Variants in CDH12 observed in about 807,000 individuals in gnomAD.
CDH12 encodes the protein cadherin-12.
In CDH12, 41 loss-of-function variants were observed where a neutral mutation model predicts 74.1. That is an observed-to-expected ratio of 0.55 (90% CI 0.43 to 0.72). The LOEUF (loss-of-function observed/expected upper bound fraction) is 0.72, where lower values mean the gene tolerates loss of function less well. Ranked by LOEUF, CDH12 falls within the 30% of genes least tolerant of loss-of-function variation. The probability of loss-of-function intolerance (pLI) is 0.00; values close to 1 mark genes in which losing one functional copy is unlikely to be tolerated. For missense variants in CDH12, 945 were observed against 977.2 expected (o/e 0.97, Z 0.44); for synonymous variants, 399 against 355.0 (o/e 1.12, Z -1.39).
intron 3 of CDH12, among the ~76,000 whole-genome samples, chr5:22,323,017 G>A (rs1332554750): frequency 6.6e-6 from 1 of 152,130 alleles, no homozygotes; most frequent in African/African-American, 2.4e-5. Flanking sequence ...ATTGTGAAAT[G>A]ACTTGTCAGG....
At chr5:21,889,110 T>C (rs1420809123) in intron 6 of CDH12, among the ~76,000 whole-genome samples, 2 of 152,156 alleles carry the variant, frequency 1.3e-5, no homozygotes, top group African/African-American at 4.8e-5. Flanking sequence ...CCAGAAAACG[T>C]AAGATCAACA....
chr5:22,749,672 A>AT lies in CDH12; in HGVS notation c.-523+103385dup, dbSNP rs537065002. On this transcript the variant is annotated intron_variant, in intron 1 of 14. Coordinates refer to ENST00000382254, the MANE Select transcript of CDH12 (RefSeq NM_004061.5). ...TCAAATATCTACTACGTATGTCACTATTTTTTCTATGAACACAGAGTGATT... is the reference window on the plus strand; with the variant it reads ...TCAAATATCTACTACGTATGTCACTATTTTTTTCTATGAACACAGAGTGATT... 2.4e-4 allele frequency among the ~76,000 whole-genome samples: 36 copies of AT among 152,238 alleles called. No individual in the cohort carries two copies. In the South Asian group the frequency reaches 5.0e-3, roughly 21 times the overall value.
chr5:21,860,754 C>A (rs1451522790), intron 6 of CDH12, among the ~76,000 whole-genome samples: 1 of 151,816 alleles, frequency 6.6e-6, no homozygotes, highest in Non-Finnish European at 1.5e-5. Flanking sequence ...CTTGGACATA[C>A]ACCTGTGGTT....
chr5:22,513,951 GAAA>G (rs34448733), intron 1 of CDH12, among the ~76,000 whole-genome samples: 1 of 100,508 alleles, frequency 9.9e-6, no homozygotes. Flanking sequence ...TCCGTGTCAG[GAAA>G]AAAAAAAAAA....
At chr5:22,759,861 C>G (rs1351626307) in intron 1 of CDH12, among the ~76,000 whole-genome samples, 4 of 152,148 alleles carry the variant, frequency 2.6e-5, no homozygotes, top group Non-Finnish European at 5.9e-5. Flanking sequence ...GCTGGGAACT[C>G]AGAGAAGAAC....
intron 3 of CDH12, among the ~76,000 whole-genome samples, chr5:22,393,041 T>C (rs1377653783): frequency 6.6e-6 from 1 of 152,122 alleles, no homozygotes; most frequent in Non-Finnish European, 1.5e-5. Context: ...GTCTCTAATA[T>C]GTCCTAATTA....
At chr5:22,044,186 A>G (rs970476852) in intron 5 of CDH12, among the ~76,000 whole-genome samples, 3 of 152,202 alleles carry the variant, frequency 2.0e-5, no homozygotes, top group Non-Finnish European at 2.9e-5. Flanking sequence ...TTTAAAATAT[A>G]CTACAAAGCT....
Position 22,310,522 on chromosome 5 carries a change from C to T in CDH12, c.-333+94735G>A, listed in dbSNP as rs1363655223. ...AAACCATTATAATTATATAGGGGCT[C>T]ATCTCACCAAAACTCTTATATCTAA... On this transcript the variant is annotated intron_variant, in intron 3 of 14. Coordinates refer to ENST00000382254, the MANE Select transcript of CDH12 (RefSeq NM_004061.5). Among the ~76,000 whole-genome samples, 7 of 151,770 alleles carry T rather than the reference C, an allele frequency of 4.6e-5. No homozygotes were observed. The Middle Eastern group carries it at 0.01, about 223-fold the overall frequency.
intron 6 of CDH12, among the ~76,000 whole-genome samples, chr5:21,869,037 C>T (rs1751480734): frequency 6.6e-6 from 1 of 152,144 alleles, no homozygotes; most frequent in African/African-American, 2.4e-5. Context: ...TCCACCATGA[C>T]ACATAACAGT....
At chr5:21,816,846 T>C (rs1579758355) in intron 9 of CDH12, 99 bp downstream of exon 9, 3 of 861,180 alleles carry the variant, frequency 3.5e-6, no homozygotes, top group African/African-American at 1.8e-5. Flanking sequence ...CTATTGCTAA[T>C]TGAAGGAAAA....
chr5:22,397,943 A>C (rs1742533497), intron 3 of CDH12, among the ~76,000 whole-genome samples: 1 of 152,090 alleles, frequency 6.6e-6, no homozygotes, highest in Admixed American at 6.6e-5. Context: ...CCTCAGAAGA[A>C]ATAAACCCTG....
At chr5:22,574,073 CTTTT>C (rs543910610) in intron 1 of CDH12, among the ~76,000 whole-genome samples, 31 of 87,454 alleles carry the variant, frequency 3.5e-4, no homozygotes, top group African/African-American at 1.4e-3. Context: ...GTCTCTCTCT[CTTTT>C]TTTTTTTTTT....
At chr5:22,326,268 T>G (rs952789870) in intron 3 of CDH12, among the ~76,000 whole-genome samples, 2 of 151,838 alleles carry the variant, frequency 1.3e-5, no homozygotes, top group Non-Finnish European at 2.9e-5. Flanking sequence ...GGATTCTCCC[T>G]CTGTCGCCCA....
At chr5:22,495,919 T>C (rs1382232768) in intron 2 of CDH12, among the ~76,000 whole-genome samples, 2 of 152,124 alleles carry the variant, frequency 1.3e-5, no homozygotes, top group African/African-American at 2.4e-5. Context: ...AACAGAAATA[T>C]GGAACTTACT....
chr5:22,776,810 A>G lies in CDH12; in HGVS notation c.-523+76248T>C, dbSNP rs553016415. Among the ~76,000 whole-genome samples, 3 of 152,294 alleles carry G rather than the reference A, an allele frequency of 2.0e-5. No individual in the cohort carries two copies. The South Asian group carries it at 6.2e-4, about 32-fold the overall frequency. On this transcript the variant is annotated intron_variant, in intron 1 of 14. Transcript: ENST00000382254. ...ATTATCAATATTTTCATTGCCCAAA[A>G]CACAATAAATTAATAAGTTCTAAGA...
At chr5:22,370,820 C>G (rs1191133152) in intron 3 of CDH12, among the ~76,000 whole-genome samples, 2 of 152,084 alleles carry the variant, frequency 1.3e-5, no homozygotes, top group African/African-American at 4.8e-5. Context: ...ATAACCTGAC[C>G]TGTTCTGCCT....
chr5:21,930,197 T>A (rs549537358), intron 6 of CDH12, among the ~76,000 whole-genome samples: 3 of 152,140 alleles, frequency 2.0e-5, no homozygotes, highest in African/African-American at 7.2e-5. Flanking sequence ...GTGCTTATGT[T>A]TGGAGCAAGA....
At chr5:22,764,746 C>T (rs777581391) in intron 1 of CDH12, among the ~76,000 whole-genome samples, 13 of 151,952 alleles carry the variant, frequency 8.6e-5, no homozygotes, top group Non-Finnish European at 1.6e-4. Flanking sequence ...GGCATTCCTG[C>T]GCAAAATGAC....
At chr5:22,843,207 C>A (rs1737154679) in intron 1 of CDH12, among the ~76,000 whole-genome samples, 1 of 151,934 alleles carries the variant, frequency 6.6e-6, no homozygotes, top group East Asian at 1.9e-4. Flanking sequence ...TCTGTGAATC[C>A]ACAATACTGG....
Sources: allele counts gnomAD v4.1 joint callset (sites outside exome capture counted in the v4.1 genomes callset), GRCh38; gene constraint gnomAD v4.1.1; transcripts MANE v1.5; gene names NCBI Gene and HGNC (gene_info 2026-07-23, HGNC 2026-07-21).